The following PDE10A variants were observed in gnomAD, a reference collection of about 807,000 sequenced individuals.
PDE10A encodes the protein phosphodiesterase 10A, also known as cAMP and cAMP-inhibited cGMP 3',5'-cyclic phosphodiesterase 10A.
In PDE10A, 39 loss-of-function variants were observed where a neutral mutation model predicts 97.7. The ratio of observed to expected loss-of-function variants is 0.40; its 90% CI spans 0.31 to 0.52. The LOEUF is 0.52. Among genes scored for constraint, PDE10A ranks in the 20% least tolerant of loss-of-function variants. The pLI is 0.56. For missense variants in PDE10A, 731 were observed against 1,047.8 expected, an observed-to-expected ratio of 0.70 and a Z score of 4.17; for synonymous variants, 371 against 376.8, an observed-to-expected ratio of 0.98 and a Z score of 0.18.
chr6:165,714,301 C>T (rs1791974123), intron 1 of PDE10A, among the ~76,000 whole-genome samples: 1 of 152,232 alleles, frequency 6.6e-6, no homozygotes, highest in Non-Finnish European at 1.5e-5. Flanking sequence ...CGTAGCCACT[C>T]CTGCCCTCTG....
chr6:165,637,034 C>T (rs1261467705), intron 1 of PDE10A, among the ~76,000 whole-genome samples: 1 of 152,148 alleles, frequency 6.6e-6, no homozygotes, highest in African/African-American at 2.4e-5. Flanking sequence ...AGCCCACTGT[C>T]CTACACACCT....
intron 1 of PDE10A, among the ~76,000 whole-genome samples, chr6:165,692,269 A>C (rs1791322857): frequency 6.6e-6 from 1 of 152,180 alleles, no homozygotes; most frequent in African/African-American, 2.4e-5. Context: ...TGGTGAGATT[A>C]TAAAGGAGCC....
intron 2 of PDE10A, among the ~76,000 whole-genome samples, chr6:165,500,184 C>CA: frequency 6.6e-6 from 1 of 151,924 alleles, no homozygotes; most frequent in South Asian, 2.1e-4. Flanking sequence ...CACATACATA[C>CA]TAATAACATA....
At chr6:165,942,757 G>T (rs1009722024) in intron 1 of PDE10A, among the ~76,000 whole-genome samples, 22 of 152,146 alleles carry the variant, frequency 1.4e-4, no homozygotes, top group Non-Finnish European at 2.6e-4. Flanking sequence ...ACAGTGTGCT[G>T]GTAGGTATTT....
chr6:165,944,422 A>G (rs1022955570), intron 1 of PDE10A, among the ~76,000 whole-genome samples: 2 of 152,204 alleles, frequency 1.3e-5, no homozygotes, highest in Admixed American at 6.5e-5. Context: ...GGAGGTGGAC[A>G]TGGTGGGCCC....
intron 1 of PDE10A, among the ~76,000 whole-genome samples, chr6:165,952,360 G>A (rs74346090): frequency 0.021 from 3,222 of 152,284 alleles, 102 homozygotes; most frequent in African/African-American, 0.073. Context: ...TATTATCTTG[G>A]TTAGCTTTTG....
At chr6:165,433,928 A>C (rs1390897622) in intron 6 of PDE10A, among the ~76,000 whole-genome samples, 1 of 149,968 alleles carries the variant, frequency 6.7e-6, no homozygotes, top group Admixed American at 6.7e-5. Context: ...GAGGCAGGAG[A>C]ATGGCGTGAA....
At chr6:165,862,944 T>C (rs559140370) in intron 1 of PDE10A, among the ~76,000 whole-genome samples, 16 of 152,194 alleles carry the variant, frequency 1.1e-4, no homozygotes, top group Non-Finnish European at 2.4e-4. Flanking sequence ...CTTCCCAAAG[T>C]GTTGGGATTA....
Position 165,663,157 on chromosome 6 carries a change from G to T in PDE10A, c.-346C>A, listed in dbSNP as rs1178225840. ...CGCGCTCCGGCGGCTGAGCCTCGGC[G>T]GCTTCTCGAAAGCAGCGGAGAAAAG... On this transcript the variant is annotated 5_prime_UTR_variant, in exon 1 of 22. Coordinates refer to ENST00000539869, the MANE Select transcript of PDE10A (RefSeq NM_001385079.1). 6.6e-6 allele frequency among the ~76,000 whole-genome samples: 1 copy of T among 151,872 alleles called. No homozygotes were observed. Among genetic ancestry groups the T allele is most frequent in the Non-Finnish European group, 1.5e-5 (1 of 67,920 alleles).
intron 1 of PDE10A, among the ~76,000 whole-genome samples, chr6:165,640,821 G>T (rs1231728530): frequency 6.6e-6 from 1 of 152,224 alleles, no homozygotes; most frequent in Non-Finnish European, 1.5e-5. Context: ...AATTGGCCAA[G>T]AATAATATAA....
intron 1 of PDE10A, among the ~76,000 whole-genome samples, chr6:165,729,437 G>T (rs1300141792): frequency 6.7e-6 from 1 of 150,270 alleles, no homozygotes; most frequent in Non-Finnish European, 1.5e-5. Flanking sequence ...TTTTTAAAAG[G>T]ATTATATTGG....
intron 1 of PDE10A, among the ~76,000 whole-genome samples, chr6:165,898,436 T>A (rs1409398967): frequency 6.6e-6 from 1 of 152,024 alleles, no homozygotes; most frequent in Admixed American, 6.5e-5. Flanking sequence ...AACTCCAAGA[T>A]GAACAGGCCA....
At chr6:165,541,610 T>C (rs981886469) in intron 2 of PDE10A, among the ~76,000 whole-genome samples, 2 of 152,220 alleles carry the variant, frequency 1.3e-5, no homozygotes, top group Non-Finnish European at 2.9e-5. Flanking sequence ...TATAGCAAGC[T>C]GAAATTTGCA....
At chr6:165,353,410 T>C (rs1408767171) in intron 18 of PDE10A, among the ~76,000 whole-genome samples, 1 of 152,234 alleles carries the variant, frequency 6.6e-6, no homozygotes, top group Non-Finnish European at 1.5e-5. Context: ...TGGAAATTTA[T>C]GTTTACACAA....
intron 1 of PDE10A, among the ~76,000 whole-genome samples, chr6:165,784,611 G>A (rs147707928): frequency 6.6e-6 from 1 of 152,290 alleles, no homozygotes; most frequent in East Asian, 1.9e-4. Flanking sequence ...CCCTTCTGAT[G>A]GACAGCCGGC....
At chr6:165,963,137 C>T (rs913576351) in intron 1 of PDE10A, among the ~76,000 whole-genome samples, 2 of 152,152 alleles carry the variant, frequency 1.3e-5, no homozygotes, top group African/African-American at 4.8e-5. Flanking sequence ...AAAAATTTTT[C>T]AAGACATGAA....
chr6:165,461,997 T>C (rs1386849555), intron 3 of PDE10A, among the ~76,000 whole-genome samples: 1 of 152,258 alleles, frequency 6.6e-6, no homozygotes, highest in East Asian at 1.9e-4. Flanking sequence ...TGTGTGGATA[T>C]CTTTTCTCAC....
chr6:165,653,065 T>C (rs1789762633), intron 1 of PDE10A, among the ~76,000 whole-genome samples: 2 of 152,226 alleles, frequency 1.3e-5, no homozygotes, highest in Non-Finnish European at 1.5e-5. Flanking sequence ...GAAAATATTA[T>C]AAATGAAACA....
chr6:165,442,234 C>G (rs1028153297), intron 5 of PDE10A, among the ~76,000 whole-genome samples: 8 of 152,072 alleles, frequency 5.3e-5, no homozygotes, highest in Non-Finnish European at 1.2e-4. Context: ...TGTTGGTGTG[C>G]TGCACCCATC....
Sources: gnomAD v4.1 joint callset for allele counts (sites outside exome capture counted in the v4.1 genomes callset) on GRCh38, gnomAD v4.1.1 for gene constraint, MANE v1.5 for transcripts, NCBI Gene and HGNC (gene_info 2026-07-23, HGNC 2026-07-21) for gene names.